Variants in DCUN1D4 observed in about 807,000 individuals in gnomAD.
The protein encoded by DCUN1D4 is DCN1-like protein 4.
A neutral mutation model predicts 47.9 loss-of-function variants in DCUN1D4; 22 were observed. The observed-to-expected ratio is 0.46, with a 90% CI of 0.33 to 0.66. The LOEUF (loss-of-function observed/expected upper bound fraction) is 0.66, where lower values mean the gene tolerates loss of function less well. Among genes scored for constraint, DCUN1D4 ranks in the 30% least tolerant of loss-of-function variants. The pLI is 0.02. For synonymous variants in DCUN1D4, 121 were observed against 112.2 expected, an observed-to-expected ratio of 1.08 and a Z score of -0.50; for missense variants, 301 against 340.8, an observed-to-expected ratio of 0.88 and a Z score of 0.92.
At chr4:51,860,519 T>C (rs1444832281) in intron 1 of DCUN1D4, 1 of 445,772 alleles carries the variant, frequency 2.2e-6, no homozygotes, top group Admixed American at 2.4e-5. Context: ...AGAAAAGAGG[T>C]TTAATTGACT....
chr4:51,860,371 A>T (rs1260032212), intron 1 of DCUN1D4, among the ~76,000 whole-genome samples: 2 of 152,150 alleles, frequency 1.3e-5, no homozygotes, highest in Non-Finnish European at 2.9e-5. Context: ...CTGATTTTAA[A>T]CATAATATCT....
In DCUN1D4 at chr4:51,843,248, C is replaced by T. The variant is rs1310885991; in HGVS notation, c.6C>T (p.His2=). 6 of 1,542,250 alleles carry T rather than the reference C, an allele frequency of 3.9e-6. No individual in the cohort carries two copies. The highest frequency in any genetic ancestry group is 2.5e-5 in the East Asian group (1 of 40,190). Residue 2 remains histidine, a synonymous_variant, in exon 1 of 11, where the codon CAC becomes CAT. Transcript: ENST00000334635. M[H]SDAAAVNFQL... The stretch of plus-strand genomic sequence containing the variant: ...CGGGTGTGAGCTGCCTGAAAATGCA[C>T]TCGGATGCCGCCGCTGTCAGTGAGT...
intron 8 of DCUN1D4, chr4:51,910,859 C>G: frequency 1.8e-6 from 1 of 553,094 alleles, no homozygotes; most frequent in Non-Finnish European, 3.2e-6. Flanking sequence ...AAATCTTTCT[C>G]ACAGTAAATT....
intron 5 of DCUN1D4, among the ~76,000 whole-genome samples, chr4:51,883,945 C>G (rs945695190): frequency 1.3e-5 from 2 of 149,504 alleles, no homozygotes; most frequent in African/African-American, 4.9e-5. Context: ...ATTTGGTTTT[C>G]TTCTGATAAT....
upstream of DCUN1D4, chr4:51,842,919 C>T: frequency 1.8e-6 from 1 of 570,992 alleles, no homozygotes; most frequent in African/African-American, 1.9e-5. Context: ...TGACAGCAGC[C>T]GGGCCCAACC....
intron 5 of DCUN1D4, among the ~76,000 whole-genome samples, chr4:51,885,350 A>C (rs1729299652): frequency 6.6e-6 from 1 of 152,192 alleles, no homozygotes; most frequent in South Asian, 2.1e-4. Flanking sequence ...TTGGTAGTAC[A>C]CTTGATAATT....
At chr4:51,876,673 A>G (rs750404560) in intron 4 of DCUN1D4, among the ~76,000 whole-genome samples, 2 of 152,128 alleles carry the variant, frequency 1.3e-5, no homozygotes, top group East Asian at 1.9e-4. Context: ...TGGAAAATAT[A>G]CTATTGAGGG....
chr4:51,859,805 A>G (rs1022785590), intron 1 of DCUN1D4, among the ~76,000 whole-genome samples: 1 of 152,174 alleles, frequency 6.6e-6, no homozygotes, highest in Non-Finnish European at 1.5e-5. Context: ...TAGAGTTGCC[A>G]TGTCACACAG....
At chr4:51,875,509 T>C (rs957614114) in intron 4 of DCUN1D4, among the ~76,000 whole-genome samples, 2 of 152,232 alleles carry the variant, frequency 1.3e-5, no homozygotes, top group African/African-American at 4.8e-5. Flanking sequence ...TTTAAACAAC[T>C]TTATTTACAT....
At chr4:51,839,181 A>G (rs1384852948), upstream of DCUN1D4, among the ~76,000 whole-genome samples, 1 of 135,750 alleles carries the variant, frequency 7.4e-6, no homozygotes, top group Non-Finnish European at 1.5e-5. Context: ...AGGAAGGAAG[A>G]AAGGAGAAGG....
intron 3 of DCUN1D4, among the ~76,000 whole-genome samples, 197 bp from the exon 4 acceptor site, chr4:51,874,074 A>G (rs898346275): frequency 6.6e-6 from 1 of 152,200 alleles, no homozygotes; most frequent in African/African-American, 2.4e-5. Context: ...GTATTAACTT[A>G]TTTGTGTCGT....
intron 1 of DCUN1D4, among the ~76,000 whole-genome samples, chr4:51,859,590 A>G (rs1360859730): frequency 1.2e-5 from 1 of 83,582 alleles, no homozygotes; most frequent in East Asian, 3.2e-4. Context: ...AATGGCATTC[A>G]TTTTTTTTTC....
At chr4:51,905,517 T>A (rs1732754612) in intron 8 of DCUN1D4, among the ~76,000 whole-genome samples, 1 of 152,216 alleles carries the variant, frequency 6.6e-6, no homozygotes, top group Admixed American at 6.5e-5. Flanking sequence ...TATAAACAAT[T>A]GTTGTTATAT....
chr4:51,882,725 C>G (rs1728863597), intron 5 of DCUN1D4, among the ~76,000 whole-genome samples: 1 of 152,060 alleles, frequency 6.6e-6, no homozygotes, highest in Non-Finnish European at 1.5e-5. Flanking sequence ...CGAGATTGCA[C>G]CACTGCACTC....
chr4:51,866,767 C>A (rs1725999836), intron 3 of DCUN1D4, among the ~76,000 whole-genome samples: 1 of 152,218 alleles, frequency 6.6e-6, no homozygotes, highest in South Asian at 2.1e-4. Flanking sequence ...CGAAAGTATA[C>A]TTGGACTCAT....
chr4:51,863,728 A>G lies in DCUN1D4; in HGVS notation c.136+19A>G, dbSNP rs202136157. On this transcript the variant is annotated intron_variant, in intron 3 of 10. Transcript: ENST00000334635. Reference sequence around the variant, plus strand: ...CAAACAGGTATCTGTAAATGCTAACACTACTTAATTTTAAATAGCTTCTTA... The same window carrying G: ...CAAACAGGTATCTGTAAATGCTAACGCTACTTAATTTTAAATAGCTTCTTA... The G allele has an allele frequency of 6.2e-5, 100 of 1,608,676 alleles. No individual in the cohort carries two copies. Among genetic ancestry groups the G allele is most frequent in the Non-Finnish European group, 7.6e-5 (90 of 1,177,186 alleles).
chr4:51,913,072 T>C (rs1733942477), intron 9 of DCUN1D4, among the ~76,000 whole-genome samples: 1 of 152,304 alleles, frequency 6.6e-6, no homozygotes, highest in East Asian at 1.9e-4. Flanking sequence ...GCTTTCCATT[T>C]TGTATTGAGA....
chr4:51,863,049 T>A (rs1577889933), intron 1 of DCUN1D4, among the ~76,000 whole-genome samples: 1 of 152,258 alleles, frequency 6.6e-6, no homozygotes, highest in African/African-American at 2.4e-5. Flanking sequence ...AATGTTGGGA[T>A]GCTTTTCTAT....
Position 51,843,161 on chromosome 4 carries a change from G to T in DCUN1D4, c.-82G>T. 1.3e-6 allele frequency: 2 copies of T among 1,524,812 alleles called. No individual in the cohort carries two copies. Among genetic ancestry groups the T allele is most frequent in the Non-Finnish European group, 1.8e-6 (2 of 1,136,504 alleles). The allele number at this position is 1,524,812 out of a possible 1,614,324, so 94.5% of individuals were successfully genotyped here. On this transcript the variant is annotated 5_prime_UTR_variant, in exon 1 of 11. Coordinates refer to ENST00000334635, the MANE Select transcript of DCUN1D4 (RefSeq NM_001040402.3). ...CCCGGCGGCGGGTCCTCAGCTTCGA[G>T]CCGAGGTGCAGTGAGCTGGTGGGGG... is the stretch of plus-strand genomic sequence containing the variant.
Sources: gnomAD v4.1 joint callset for allele counts (sites outside exome capture counted in the v4.1 genomes callset) on GRCh38, gnomAD v4.1.1 for gene constraint, MANE v1.5 for transcripts, NCBI Gene and HGNC (gene_info 2026-07-23, HGNC 2026-07-21) for gene names.